LOC400499: variants seen among roughly 807,000 people sequenced by gnomAD.
the LOC400499 span, among the ~76,000 whole-genome samples, chr16:11,431,613 C>G: frequency 6.6e-6 from 1 of 152,158 alleles, no homozygotes; most frequent in African/African-American, 2.4e-5. Flanking sequence ...ACCACGTTGC[C>G]CAGGCTGGTC....
At chr16:11,429,182 G>A in the LOC400499 span, among the ~76,000 whole-genome samples, 5 of 152,152 alleles carry the variant, frequency 3.3e-5, no homozygotes, top group African/African-American at 4.8e-5. Context: ...TGGCCTGGGA[G>A]CGGATTTCTT....
chr16:11,478,828 G>C, the LOC400499 span: 1 of 397,288 alleles, frequency 2.5e-6, no homozygotes, highest in Non-Finnish European at 4.4e-6. Flanking sequence ...GGAGATGACT[G>C]AATCATGGGG....
At chr16:11,506,831 T>C in the LOC400499 span, among the ~76,000 whole-genome samples, 1 of 152,200 alleles carries the variant, frequency 6.6e-6, no homozygotes, top group African/African-American at 2.4e-5. Flanking sequence ...CCGAAGCTCA[T>C]GAGGTCTATC....
the LOC400499 span, among the ~76,000 whole-genome samples, chr16:11,468,965 A>G: frequency 6.6e-6 from 1 of 152,196 alleles, no homozygotes; most frequent in South Asian, 2.1e-4. Context: ...ATTAATATCC[A>G]TTTTTAACAT....
the LOC400499 span, among the ~76,000 whole-genome samples, chr16:11,385,958 C>T: frequency 2.0e-5 from 3 of 152,094 alleles, no homozygotes; most frequent in African/African-American, 7.2e-5. Flanking sequence ...ATCACTTGAG[C>T]CCAGAAGGTC....
At chr16:11,373,243 C>G in the LOC400499 span, among the ~76,000 whole-genome samples, 1 of 152,210 alleles carries the variant, frequency 6.6e-6, no homozygotes, top group East Asian at 1.9e-4. Flanking sequence ...TCTGCTGTTT[C>G]ACCATCAAGT....
the LOC400499 span, among the ~76,000 whole-genome samples, chr16:11,396,900 G>C: frequency 6.6e-6 from 1 of 152,156 alleles, no homozygotes; most frequent in African/African-American, 2.4e-5. Context: ...CACTTCCCTT[G>C]CTCCCTCCGT....
chr16:11,523,318 T>A, the LOC400499 span: 4 of 398,378 alleles, frequency 1.0e-5, no homozygotes, highest in African/African-American at 6.2e-5. Context: ...TCTGGGGCTG[T>A]CTCTAATCCC....
At chr16:11,498,371 A>T in the LOC400499 span, among the ~76,000 whole-genome samples, 2 of 152,006 alleles carry the variant, frequency 1.3e-5, no homozygotes, top group Non-Finnish European at 2.9e-5. Context: ...AATCCCAGCT[A>T]CTCAGGAGGC....
the LOC400499 span, among the ~76,000 whole-genome samples, chr16:11,439,859 C>G: frequency 2.4e-4 from 37 of 152,050 alleles, no homozygotes; most frequent in African/African-American, 8.7e-4. Context: ...CACAGCCACA[C>G]CACCTTCTAC....
chr16:11,504,922 C>T, the LOC400499 span, among the ~76,000 whole-genome samples: 3 of 149,812 alleles, frequency 2.0e-5, no homozygotes, highest in East Asian at 1.9e-4. Context: ...GACCCTGTCT[C>T]GAAAAAAAAA....
the LOC400499 span, among the ~76,000 whole-genome samples, chr16:11,461,836 G>A: frequency 2.0e-5 from 3 of 152,312 alleles, no homozygotes; most frequent in South Asian, 2.1e-4. Flanking sequence ...CTCACTCTGT[G>A]TGTGTTTTAA....
chr16:11,404,357 T>C, the LOC400499 span, among the ~76,000 whole-genome samples: 2,586 of 152,268 alleles, frequency 0.017, 84 homozygotes, highest in African/African-American at 0.059. Context: ...TGCTCAGTCA[T>C]GGCTTTTTTG....
At chr16:11,447,484 G>C in the LOC400499 span, among the ~76,000 whole-genome samples, 3 of 152,226 alleles carry the variant, frequency 2.0e-5, no homozygotes, top group East Asian at 3.9e-4. Context: ...AAACACGAAC[G>C]AACACTCTGC....
chr16:11,382,881 G>C, the LOC400499 span, among the ~76,000 whole-genome samples: 4 of 152,072 alleles, frequency 2.6e-5, no homozygotes, highest in South Asian at 2.1e-4. Context: ...AGCTTAGTAG[G>C]GGGTAGGGAA....
chr16:11,460,630 G>C, the LOC400499 span: 4 of 1,516,286 alleles, frequency 2.6e-6, no homozygotes, highest in Non-Finnish European at 3.5e-6. Flanking sequence ...TCAACCCAGA[G>C]ACCCCTGCCC....
chr16:11,398,516 TGA>T, the LOC400499 span: 801 of 1,232,206 alleles, frequency 6.5e-4, 5 homozygotes, highest in African/African-American at 0.011. Flanking sequence ...GCCTCTGGAA[TGA>T]GAGGGCCTAT....
chr16:11,499,982 G>C, the LOC400499 span, among the ~76,000 whole-genome samples: 1 of 152,294 alleles, frequency 6.6e-6, no homozygotes, highest in East Asian at 1.9e-4. Context: ...CTACTTCATA[G>C]AGACACCTCA....
chr16:11,372,519 T>C, the LOC400499 span: 75 of 152,990 alleles, frequency 4.9e-4, no homozygotes, highest in African/African-American at 1.8e-3. Flanking sequence ...CTCAGACCAG[T>C]GGGAGAGTTT....
Sources: gnomAD v4.1 joint callset for allele counts (sites outside exome capture counted in the v4.1 genomes callset) on GRCh38, gnomAD v4.1.1 for gene constraint, MANE v1.5 for transcripts.